Variants in APBB2 observed in about 807,000 individuals in gnomAD.
APBB2 encodes the protein Fe65-like 1.
APBB2 carries 38 observed loss-of-function variants against 82.5 expected under a neutral mutation model. That is an observed-to-expected ratio of 0.46 (90% CI 0.36 to 0.60). The LOEUF (loss-of-function observed/expected upper bound fraction) is 0.60, where lower values mean the gene tolerates loss of function less well. Ranked by LOEUF, APBB2 falls within the 20% of genes least tolerant of loss-of-function variation. The pLI is 0.00. For synonymous variants in APBB2, 341 were observed against 368.2 expected (o/e 0.93, Z 0.85); for missense variants, 772 against 972.3 (o/e 0.79, Z 2.74).
intron 6 of APBB2, among the ~76,000 whole-genome samples, chr4:40,993,899 CAT>C (rs1012809166): frequency 2.2e-4 from 33 of 152,124 alleles, no homozygotes; most frequent in African/African-American, 7.2e-4. Flanking sequence ...TCAAATGATG[CAT>C]AGAGGAGGAA....
intron 2 of APBB2, among the ~76,000 whole-genome samples, chr4:41,103,887 T>C (rs1295233945): frequency 6.6e-6 from 1 of 152,200 alleles, no homozygotes; most frequent in Non-Finnish European, 1.5e-5. Flanking sequence ...TTCTATCTCA[T>C]AATTCAAGGA....
chr4:40,819,176 CTTT>C (rs1188181954), intron 17 of APBB2, among the ~76,000 whole-genome samples: 4 of 135,214 alleles, frequency 3.0e-5, no homozygotes, highest in Non-Finnish European at 6.2e-5. Flanking sequence ...CCTTGGCTCT[CTTT>C]TTTTTTTTTC....
At position 40,822,127 on chromosome 4, in the gene APBB2, C is replaced by T. The variant is rs535737037; in HGVS notation, c.1933-77G>A. On this transcript the variant is annotated intron_variant, in intron 16 of 17. Coordinates refer to ENST00000508593, the MANE Select transcript of APBB2 (RefSeq NM_004307.2). Reference sequence around the variant, plus strand: ...AAGAGTGGCAGCACATAGGAACTGGCATTCAGAAAGTATAGCCAGGCCGAA... The same window carrying T: ...AAGAGTGGCAGCACATAGGAACTGGTATTCAGAAAGTATAGCCAGGCCGAA... 47 of 1,541,066 alleles carry T rather than the reference C, an allele frequency of 3.0e-5. No homozygotes were observed. In the South Asian group the frequency reaches 5.1e-4, roughly 17 times the overall value.
chr4:40,941,239 T>G (rs992168307), intron 7 of APBB2, among the ~76,000 whole-genome samples: 1 of 152,284 alleles, frequency 6.6e-6, no homozygotes, highest in South Asian at 2.1e-4. Flanking sequence ...AAGATTTTGC[T>G]CTCTTCTCAT....
chr4:40,838,825 T>G (rs1754892512), intron 12 of APBB2, among the ~76,000 whole-genome samples: 1 of 152,284 alleles, frequency 6.6e-6, no homozygotes, highest in South Asian at 2.1e-4. Flanking sequence ...CCTAAATCTC[T>G]CCTGTGCAAC....
intron 4 of APBB2, among the ~76,000 whole-genome samples, chr4:41,054,863 G>A (rs1373050676): frequency 6.6e-6 from 1 of 151,924 alleles, no homozygotes; most frequent in African/African-American, 2.4e-5. Context: ...CCTCCTAAAT[G>A]TGCTGTCTGC....
intron 6 of APBB2, among the ~76,000 whole-genome samples, chr4:40,994,688 C>A (rs982105655): frequency 6.6e-6 from 1 of 151,612 alleles, no homozygotes. Context: ...GTGGCACATG[C>A]CTATAGTCCC....
chr4:41,063,987 CGCTGTGTCGCCCAGGCTGGAGT>C (rs1267901511), intron 4 of APBB2, among the ~76,000 whole-genome samples: 112 of 112,710 alleles, frequency 9.9e-4, no homozygotes, highest in South Asian at 1.9e-3. Flanking sequence ...GACAGAATCT[CGCTGTGTCGCCCAGGCTGGAGT>C]GCTGTGTCGC....
In APBB2 at chr4:41,001,842, C is replaced by A. The variant is rs184588418; in HGVS notation, c.835+11741G>T. Among the ~76,000 whole-genome samples the A allele has an allele frequency of 1.8e-3, 267 of 150,726 alleles. 1 individual carries two copies. Among genetic ancestry groups the A allele is most frequent in the African/African-American group, 6.2e-3 (255 of 40,922 alleles). Reference sequence around the variant, plus strand: ...GCAGTGAGCCGAAATCGCGCCACTGCACTCCAGCCTGGGTGACAGAGTGAG... The same window carrying A: ...GCAGTGAGCCGAAATCGCGCCACTGAACTCCAGCCTGGGTGACAGAGTGAG... On this transcript the variant is annotated intron_variant, in intron 6 of 17. Coordinates refer to ENST00000508593, the MANE Select transcript of APBB2 (RefSeq NM_004307.2).
intron 7 of APBB2, 163 bp from the exon 8 acceptor site, chr4:40,935,302 T>C: frequency 1.7e-6 from 1 of 586,294 alleles, no homozygotes. Context: ...TCACTCCCTC[T>C]ATGTCTAGAT....
intron 5 of APBB2, among the ~76,000 whole-genome samples, chr4:41,031,310 G>A (rs1246812553): frequency 2.0e-5 from 3 of 152,148 alleles, no homozygotes; most frequent in Admixed American, 2.0e-4. Context: ...GCTCCCTAGA[G>A]TTAGAAAAAG....
Position 41,160,477 on chromosome 4 carries a change from G to A in APBB2, c.-416-17335C>T, listed in dbSNP as rs567809428. On this transcript the variant is annotated intron_variant, in intron 1 of 17. Coordinates refer to ENST00000508593, the MANE Select transcript of APBB2 (RefSeq NM_004307.2). ...ACAGAGGAGACTTCAGGGAGCTGAA[G>A]ATTGCAGCAGACATAACCAGCAGTT... is the stretch of plus-strand genomic sequence containing the variant. Among the ~76,000 whole-genome samples, 13 of 152,310 alleles carry A rather than the reference G, an allele frequency of 8.5e-5. No individual in the cohort carries two copies. In the East Asian group the frequency reaches 2.3e-3, roughly 27 times the overall value.
Position 40,832,013 on chromosome 4 carries a change from T to TATATACACACACAC in APBB2, c.1530-1437_1530-1436insGTGTGTGTGTATAT, listed in dbSNP as rs777910826. Among the ~76,000 whole-genome samples the TATATACACACACAC allele has an allele frequency of 2.9e-3, 397 of 138,964 alleles. 2 individuals carry two copies. Among genetic ancestry groups the TATATACACACACAC allele is most frequent in the African/African-American group, 9.6e-3 (358 of 37,122 alleles). The allele number at this position is 138,964 out of a possible 152,430, so 91.2% of individuals were successfully genotyped here. On this transcript the variant is annotated intron_variant, in intron 12 of 17. Coordinates refer to ENST00000508593, the MANE Select transcript of APBB2 (RefSeq NM_004307.2). The surrounding 1 kb of genome is among the most constrained non-coding windows in gnomAD (Gnocchi z 4.8). ...ACACATATTTATATATTTATTTATA[T>TATATACACACACAC]ACACACACACACACACACACACACA...
chr4:40,827,649 ACTAG>A (rs2154299705), intron 13 of APBB2, among the ~76,000 whole-genome samples: 1 of 152,282 alleles, frequency 6.6e-6, no homozygotes, highest in African/African-American at 2.4e-5. Context: ...TCTGCCACTT[ACTAG>A]CTGTGTGACC....
At chr4:41,201,400 C>T (rs1776664715) in intron 1 of APBB2, among the ~76,000 whole-genome samples, 1 of 152,156 alleles carries the variant, frequency 6.6e-6, no homozygotes, top group African/African-American at 2.4e-5. Flanking sequence ...GGTGGAGCAT[C>T]GCTAATCTGA....
At chr4:41,160,788 A>T (rs746996509) in intron 1 of APBB2, among the ~76,000 whole-genome samples, 1 of 152,222 alleles carries the variant, frequency 6.6e-6, no homozygotes, top group Non-Finnish European at 1.5e-5. Context: ...AACATGCCTT[A>T]CAAGAACTGA....
intron 12 of APBB2, chr4:40,880,496 T>A (rs977929598): frequency 1.0e-6 from 1 of 985,336 alleles, no homozygotes; most frequent in African/African-American, 1.7e-5. Context: ...AACATCTGCA[T>A]AAGTTCTGGG....
intron 12 of APBB2, among the ~76,000 whole-genome samples, chr4:40,869,906 G>A (rs1351842031): frequency 6.6e-6 from 1 of 151,608 alleles, no homozygotes. Flanking sequence ...GGTCAAAGCA[G>A]GCCCCAGTCA....
At chr4:41,192,551 C>G (rs1481488275) in intron 1 of APBB2, among the ~76,000 whole-genome samples, 1 of 151,884 alleles carries the variant, frequency 6.6e-6, no homozygotes, top group Non-Finnish European at 1.5e-5. Flanking sequence ...AAGAAAAACA[C>G]CACATGATCT....
Sources: allele counts gnomAD v4.1 joint callset (sites outside exome capture counted in the v4.1 genomes callset), GRCh38; gene constraint gnomAD v4.1.1; non-coding constraint Gnocchi (gnomAD v3.1); transcripts MANE v1.5; gene names NCBI Gene and HGNC (gene_info 2026-07-23, HGNC 2026-07-21).